The following PIGU variants were observed in gnomAD, a reference collection of about 807,000 sequenced individuals.
PIGU encodes the protein GPI-anchor transamidase component PIGU.
In PIGU, 24 loss-of-function variants were observed where a neutral mutation model predicts 49.9. That is an observed-to-expected ratio of 0.48 (90% confidence interval 0.35 to 0.68). The LOEUF (loss-of-function observed/expected upper bound fraction) is 0.68. Ranked by LOEUF, PIGU falls within the 30% of genes least tolerant of loss-of-function variation. The pLI is 0.01. For missense variants in PIGU, 490 were observed against 532.6 expected, an observed-to-expected ratio of 0.92 and a Z score of 0.79; for synonymous variants, 220 against 205.7, an observed-to-expected ratio of 1.07 and a Z score of -0.59.
At chr20:34,581,789 C>G (rs1457445722) in intron 9 of PIGU, 117 bp from the exon 10 acceptor site, 3 of 1,319,070 alleles carry the variant, frequency 2.3e-6, no homozygotes, top group Non-Finnish European at 3.1e-6. Flanking sequence ...CAGGAAGGGG[C>G]TGGCTCTGCT....
At chr20:34,588,298 T>C (rs1375059993) in intron 8 of PIGU, among the ~76,000 whole-genome samples, 155 bp downstream of exon 8, 1 of 152,066 alleles carries the variant, frequency 6.6e-6, no homozygotes, top group Non-Finnish European at 1.5e-5. Context: ...GGAAGTGGGA[T>C]TGCTGGATCA....
intron 2 of PIGU, among the ~76,000 whole-genome samples, chr20:34,646,867 G>C (rs898239791): frequency 6.6e-6 from 1 of 151,478 alleles, no homozygotes; most frequent in Non-Finnish European, 1.5e-5. Context: ...CTGTTGCCAG[G>C]GCTGGTGTGC....
Position 34,634,606 on chromosome 20 carries a change from G to GAGA in PIGU, c.529+8_529+9insTCT. 7 of 1,611,656 alleles carry GAGA rather than the reference G, an allele frequency of 4.3e-6. No individual in the cohort carries two copies. The highest frequency in any genetic ancestry group is 5.9e-6 in the Non-Finnish European group (7 of 1,178,428). ...GACTGACCTTTGTACTCTCCTTTCA[G>GAGA]GGCCTTACCTTTTATCGTAGTCAAA... On this transcript the variant is annotated intron_variant, in intron 6 of 11. Coordinates refer to ENST00000217446, the MANE Select transcript of PIGU (RefSeq NM_080476.5).
chr20:34,662,502 T>A (rs1986958440), intron 1 of PIGU, among the ~76,000 whole-genome samples: 1 of 150,534 alleles, frequency 6.6e-6, no homozygotes, highest in Non-Finnish European at 1.5e-5. Context: ...TTCAAGCAAT[T>A]CTCCTGCCTC....
rs188146176 is a variant in PIGU at position 34,661,804 on chromosome 20, G to A, written c.131-4560C>T. 2.8e-4 allele frequency among the ~76,000 whole-genome samples: 42 copies of A among 152,110 alleles called. 1 individual carries two copies. The East Asian group carries it at 7.1e-3, about 26-fold the overall frequency. On this transcript the variant is annotated intron_variant, in intron 1 of 11. Coordinates refer to ENST00000217446, the MANE Select transcript of PIGU (RefSeq NM_080476.5). ...GAGAAATCTTCAAACTGCTTTCCAC[G>A]GTGGCTGAATTAATTTATATTCCCA...
At chr20:34,606,206 G>A (rs1455215350) in intron 7 of PIGU, among the ~76,000 whole-genome samples, 1 of 140,852 alleles carries the variant, frequency 7.1e-6, no homozygotes, top group African/African-American at 2.7e-5. Flanking sequence ...AGTGAGCCGA[G>A]ATTGCACCAC....
chr20:34,619,529 G>A (rs770957033), intron 6 of PIGU, among the ~76,000 whole-genome samples: 2 of 152,206 alleles, frequency 1.3e-5, no homozygotes, highest in Admixed American at 6.5e-5. Context: ...AGAGGCCCAT[G>A]TGTCTGTTAC....
intron 7 of PIGU, among the ~76,000 whole-genome samples, chr20:34,597,599 A>G (rs1984249998): frequency 6.6e-6 from 1 of 152,226 alleles, no homozygotes; most frequent in Non-Finnish European, 1.5e-5. Flanking sequence ...AATGAAAAAG[A>G]GTGTAAATAA....
At chr20:34,587,581 CAAGAA>C (rs1374854672) in intron 8 of PIGU, among the ~76,000 whole-genome samples, 2 of 152,078 alleles carry the variant, frequency 1.3e-5, no homozygotes, top group African/African-American at 2.4e-5. Context: ...TGCTAGTACT[CAAGAA>C]AAGAAAAGAA....
chr20:34,606,254 CAA>C (rs35050660), intron 7 of PIGU, among the ~76,000 whole-genome samples: 121 of 83,846 alleles, frequency 1.4e-3, no homozygotes, highest in South Asian at 3.5e-3. Flanking sequence ...GACTCCGTCT[CAA>C]AAAAAAAAAA....
chr20:34,675,593 T>C lies in PIGU; in HGVS notation c.130+1363A>G, dbSNP rs575084164. The stretch of plus-strand genomic sequence containing the variant: ...GGGGAAAATAACACCATCTATCACA[T>C]AGAAATAAATGTGAGGACTAAATGA... On this transcript the variant is annotated intron_variant, in intron 1 of 11. Transcript: ENST00000217446. 1.1e-4 allele frequency among the ~76,000 whole-genome samples: 17 copies of C among 152,326 alleles called. No individual in the cohort carries two copies. The South Asian group carries it at 1.4e-3, about 13-fold the overall frequency.
intron 7 of PIGU, among the ~76,000 whole-genome samples, chr20:34,600,866 C>G (rs1568633799): frequency 6.6e-6 from 1 of 152,020 alleles, no homozygotes; most frequent in Non-Finnish European, 1.5e-5. Flanking sequence ...GAAACCCCGT[C>G]TCTACTAAAA....
intron 1 of PIGU, 32 bp downstream of exon 1, chr20:34,676,924 G>A (rs769398555): frequency 4.5e-6 from 7 of 1,557,122 alleles, no homozygotes; most frequent in Non-Finnish European, 6.1e-6. Context: ...GGCAGGTGGG[G>A]CCTGACAGTC....
chr20:34,620,658 A>C lies in PIGU; in HGVS notation c.530-4519T>G, dbSNP rs150589075. 4.9e-3 allele frequency among the ~76,000 whole-genome samples: 747 copies of C among 151,940 alleles called. 8 individuals carry two copies. The highest frequency in any genetic ancestry group is 0.018 in the African/African-American group (728 of 41,424). On this transcript the variant is annotated intron_variant, in intron 6 of 11. Transcript: ENST00000217446. Reference sequence around the variant, plus strand: ...AACCCTGTTTCTACTAAAAATACAAAAAATTAGCCGGGCATGGTGGTGGGA... The same window carrying C: ...AACCCTGTTTCTACTAAAAATACAACAAATTAGCCGGGCATGGTGGTGGGA...
chr20:34,563,048 T>C (rs1982593523), intron 11 of PIGU, among the ~76,000 whole-genome samples: 1 of 152,178 alleles, frequency 6.6e-6, no homozygotes, highest in South Asian at 2.1e-4. Flanking sequence ...AAGATTAGGT[T>C]ATTAGGTTGG....
intron 6 of PIGU, among the ~76,000 whole-genome samples, chr20:34,631,773 A>T (rs1222553661): frequency 3.5e-4 from 1 of 2,818 alleles, no homozygotes; most frequent in Non-Finnish European, 5.7e-4. Context: ...ATATATATAT[A>T]TATATATATA....
intron 7 of PIGU, among the ~76,000 whole-genome samples, chr20:34,605,786 G>C (rs1307230922): frequency 6.6e-6 from 1 of 152,076 alleles, no homozygotes; most frequent in Non-Finnish European, 1.5e-5. Context: ...TATATGTCTA[G>C]ATTAAATATT....
In PIGU at chr20:34,657,181, T is replaced by G. The variant is rs769343462; in HGVS notation, c.194A>C (p.Glu65Ala). ...VSPYSGAVFH[E>A]TPLIIYLFHF... ...AGAAAAGAAAATAAGAACACTTACTTCATGAAATACTGCTCCAGAATACGG... is the reference window on the plus strand; with the variant it reads ...AGAAAAGAAAATAAGAACACTTACTGCATGAAATACTGCTCCAGAATACGG... The change falls in exon 2 of 12, where the codon GAA (glutamate) becomes GCA (alanine). Residue 65 changes from glutamate to alanine, a missense_variant and splice_region_variant. Glu to Ala is a moderately radical substitution (Grantham distance 107). Coordinates refer to ENST00000217446, the MANE Select transcript of PIGU (RefSeq NM_080476.5). 1.1e-5 allele frequency: 17 copies of G among 1,608,154 alleles called. No homozygotes were observed. Among genetic ancestry groups the G allele is most frequent in the Admixed American group, 1.0e-4 (6 of 59,824 alleles).
intron 6 of PIGU, among the ~76,000 whole-genome samples, chr20:34,622,738 G>C (rs549109534): frequency 2.6e-5 from 4 of 152,208 alleles, no homozygotes; most frequent in African/African-American, 9.6e-5. Context: ...AGGACTAAGA[G>C]TTTTACCCCA....
Sources: gnomAD v4.1 joint callset for allele counts (sites outside exome capture counted in the v4.1 genomes callset) on GRCh38, gnomAD v4.1.1 for gene constraint, MANE v1.5 for transcripts, NCBI Gene and HGNC (gene_info 2026-07-23, HGNC 2026-07-21) for gene names.